SCLT1: variants seen among roughly 807,000 people sequenced by gnomAD.
The protein encoded by SCLT1 is sodium channel and clathrin linker 1, also known as sodium channel-associated protein 1.
SCLT1 carries 78 observed loss-of-function variants against 112.8 expected under a neutral mutation model. The ratio of observed to expected loss-of-function variants is 0.69; its 90% confidence interval spans 0.58 to 0.83. The LOEUF (loss-of-function observed/expected upper bound fraction) is 0.83, where lower values mean the gene tolerates loss of function less well. Among genes scored for constraint, SCLT1 ranks in the 40% least tolerant of loss-of-function variants. SCLT1 has a pLI of 0.00. For synonymous variants in SCLT1, 257 were observed against 254.7 expected (o/e 1.01, Z -0.09); for missense variants, 747 against 770.4 (o/e 0.97, Z 0.36).
At chr4:129,003,676 T>A (rs1743731960) in intron 6 of SCLT1, 65 bp downstream of exon 6, 1 of 1,229,018 alleles carries the variant, frequency 8.1e-7, no homozygotes. Context: ...AAATAATGAT[T>A]AACATGAATT....
chr4:128,906,206 T>TC (rs1734676491), intron 18 of SCLT1, among the ~76,000 whole-genome samples: 1 of 152,206 alleles, frequency 6.6e-6, no homozygotes, highest in Non-Finnish European at 1.5e-5. Flanking sequence ...GATTATATTT[T>TC]CTTTTTTTTG....
chr4:128,929,712 C>T (rs960557679), intron 18 of SCLT1, among the ~76,000 whole-genome samples: 1 of 152,024 alleles, frequency 6.6e-6, no homozygotes, highest in Non-Finnish European at 1.5e-5. Context: ...CAAATTATGA[C>T]AAAAGGGGCA....
intron 2 of SCLT1, among the ~76,000 whole-genome samples, chr4:129,074,772 G>A (rs999992818): frequency 2.6e-5 from 4 of 152,154 alleles, no homozygotes; most frequent in Non-Finnish European, 5.9e-5. Flanking sequence ...TGCAAGCATA[G>A]CTCACTCCAG....
chr4:128,890,185 T>C (rs1733200841), intron 19 of SCLT1, among the ~76,000 whole-genome samples: 1 of 152,198 alleles, frequency 6.6e-6, no homozygotes, highest in Admixed American at 6.5e-5. Flanking sequence ...TCTTCTATAC[T>C]GCTACCATAA....
chr4:128,983,272 C>G (rs956331168), intron 9 of SCLT1, among the ~76,000 whole-genome samples: 5 of 152,074 alleles, frequency 3.3e-5, no homozygotes, highest in African/African-American at 1.2e-4. Context: ...TCTTTCCCTT[C>G]GAAGACTTTA....
intron 18 of SCLT1, among the ~76,000 whole-genome samples, chr4:128,900,376 A>G (rs1047691602): frequency 2.0e-4 from 30 of 152,176 alleles, no homozygotes; most frequent in Admixed American, 9.8e-4. Flanking sequence ...AATGCCACAT[A>G]TCTACAACCA....
At chr4:128,954,642 G>T (rs953011253) in intron 13 of SCLT1, among the ~76,000 whole-genome samples, 1 of 152,092 alleles carries the variant, frequency 6.6e-6, no homozygotes, top group African/African-American at 2.4e-5. Flanking sequence ...ATTTGATGTA[G>T]ACTTTTCCTA....
At chr4:129,030,717 G>A (rs1421196062) in intron 5 of SCLT1, among the ~76,000 whole-genome samples, 5 of 151,950 alleles carry the variant, frequency 3.3e-5, no homozygotes, top group Non-Finnish European at 7.4e-5. Context: ...TCTAGAAGTG[G>A]ATACATTCCT....
In SCLT1 at chr4:128,911,411, T is replaced by C. The variant is rs77141880; in HGVS notation, c.1830-20274A>G. 8.5e-5 allele frequency among the ~76,000 whole-genome samples: 13 copies of C among 152,316 alleles called. No homozygotes were observed. The East Asian group carries it at 2.3e-3, about 27-fold the overall frequency. On this transcript the variant is annotated intron_variant, in intron 18 of 20. Transcript: ENST00000281142. ...CTTCTTTGAAGCTCAAAATTCTTTG[T>C]GATACATACATTGCAAGATAAAGTA...
intron 1 of SCLT1, among the ~76,000 whole-genome samples, chr4:129,083,928 CA>C (rs905667295): frequency 6.6e-6 from 1 of 151,870 alleles, no homozygotes; most frequent in Non-Finnish European, 1.5e-5. Flanking sequence ...AATAAACTCA[CA>C]AAAAATGATA....
At chr4:128,959,472 C>G (rs1372752410) in intron 12 of SCLT1, 128 bp downstream of exon 12, 2 of 668,396 alleles carry the variant, frequency 3.0e-6, no homozygotes, top group Non-Finnish European at 5.2e-6. Context: ...TGGATGATTA[C>G]TAATGAAAAG....
intron 12 of SCLT1, among the ~76,000 whole-genome samples, chr4:128,957,596 T>C (rs926959179): frequency 6.6e-6 from 1 of 152,002 alleles, no homozygotes; most frequent in Non-Finnish European, 1.5e-5. Context: ...TCCAATCATT[T>C]CCATCCTCCA....
chr4:129,069,903 C>T (rs1167682613), intron 2 of SCLT1, among the ~76,000 whole-genome samples: 1 of 152,006 alleles, frequency 6.6e-6, no homozygotes, highest in African/African-American at 2.4e-5. Flanking sequence ...TCATAGATGG[C>T]TTTTATTATG....
At chr4:129,022,982 G>A (rs1242250346) in intron 5 of SCLT1, among the ~76,000 whole-genome samples, 1 of 152,072 alleles carries the variant, frequency 6.6e-6, no homozygotes, top group Admixed American at 6.5e-5. Context: ...ACAGACTGGG[G>A]GCCAATATCC....
chr4:128,953,184 C>T (rs1197332822), intron 13 of SCLT1, among the ~76,000 whole-genome samples: 1 of 152,196 alleles, frequency 6.6e-6, no homozygotes, highest in Non-Finnish European at 1.5e-5. Context: ...ACCTACTAAT[C>T]TCTTAAAAAG....
chr4:128,916,626 A>T (rs914036884), intron 18 of SCLT1, among the ~76,000 whole-genome samples: 7 of 152,214 alleles, frequency 4.6e-5, no homozygotes, highest in African/African-American at 1.7e-4. Context: ...AAATTACGGT[A>T]CATTTTTTCA....
At chr4:129,083,849 C>T (rs1424521010) in intron 1 of SCLT1, among the ~76,000 whole-genome samples, 3 of 151,958 alleles carry the variant, frequency 2.0e-5, no homozygotes, top group Admixed American at 6.6e-5. Flanking sequence ...AGAAAAACAG[C>T]ACCAAATTAA....
intron 9 of SCLT1, among the ~76,000 whole-genome samples, chr4:128,985,767 T>A (rs62318664): frequency 6.6e-6 from 1 of 152,158 alleles, no homozygotes; most frequent in African/African-American, 2.4e-5. Context: ...TTTGTAGAGA[T>A]GGGGTTTCAC....
chr4:128,983,091 T>C (rs915487350), intron 9 of SCLT1, among the ~76,000 whole-genome samples: 3 of 152,052 alleles, frequency 2.0e-5, no homozygotes, highest in Admixed American at 2.0e-4. Flanking sequence ...TTTCTCCATG[T>C]TGGTCAGGCT....
Sources: allele counts gnomAD v4.1 joint callset (sites outside exome capture counted in the v4.1 genomes callset), GRCh38; gene constraint gnomAD v4.1.1; transcripts MANE v1.5; gene names NCBI Gene and HGNC (gene_info 2026-07-23, HGNC 2026-07-21).